The following ZFYVE28 variants were observed in gnomAD, a reference collection of about 807,000 sequenced individuals.
The protein encoded by ZFYVE28 is zinc finger FYVE-type containing 28.
ZFYVE28 carries 40 observed loss-of-function variants against 82.1 expected under a neutral mutation model. The observed-to-expected ratio is 0.49, with a 90% CI of 0.38 to 0.63. The LOEUF is 0.63. Ranked by LOEUF, ZFYVE28 falls within the 30% of genes least tolerant of loss-of-function variation. The pLI is 0.00. For missense variants in ZFYVE28, 1,321 were observed against 1,242.1 expected (o/e 1.06, Z -0.96); for synonymous variants, 612 against 546.1 (o/e 1.12, Z -1.68).
rs775046287 is a variant in ZFYVE28, at chr4:2,305,490, GT to G, written c.849del (p.Glu283AspfsTer176). The G allele has an allele frequency of 6.2e-7, 1 of 1,612,950 alleles. No individual in the cohort carries two copies. Among genetic ancestry groups the G allele is most frequent in the Non-Finnish European group, 8.5e-7 (1 of 1,180,032 alleles). On this transcript the variant is annotated frameshift_variant, in exon 8 of 13. Coordinates refer to ENST00000290974, the MANE Select transcript of ZFYVE28 (RefSeq NM_020972.3). LOFTEE classifies it high-confidence loss of function. Reference protein sequence around the residue: ...TLTEEELHTLERNLCISQDVE... With the variant: ...TLTEEELHTLXRNLCISQDVE... ...ACGTCTTGGGAAATGCAGAGGTTCC[GT>G]TCCAGCGTGTGCAGCTCCTCCTCCG...
chr4:2,307,033 T>C (rs1348234607), intron 7 of ZFYVE28: 1 of 152,332 alleles, frequency 6.6e-6, no homozygotes, highest in Non-Finnish European at 1.5e-5. Flanking sequence ...TGCCCACAGC[T>C]TGGCTGACAG....
Position 2,339,408 on chromosome 4 carries a change from C to T in ZFYVE28, c.521+45G>A. On this transcript the variant is annotated intron_variant, in intron 4 of 12. Coordinates refer to ENST00000290974, the MANE Select transcript of ZFYVE28 (RefSeq NM_020972.3). This position sits in a 1 kb window ranked among gnomAD's most constrained non-coding sequence, Gnocchi z 5.0. Reference sequence around the variant, plus strand: ...GAGCCCCGGAAGCTGGCACAACCGTCCCCCAGCTCATACAGCCAGGGCTGT... The same window carrying T: ...GAGCCCCGGAAGCTGGCACAACCGTTCCCCAGCTCATACAGCCAGGGCTGT... 1.9e-6 allele frequency: 3 copies of T among 1,585,244 alleles called. No homozygotes were observed. The highest frequency in any genetic ancestry group is 1.3e-5 in the African/African-American group (1 of 74,630).
At chr4:2,358,288 T>C (rs1437909876) in intron 1 of ZFYVE28, among the ~76,000 whole-genome samples, 3 of 152,194 alleles carry the variant, frequency 2.0e-5, no homozygotes, top group African/African-American at 7.2e-5. Flanking sequence ...CAGGCATGGA[T>C]GTGCATGCGT....
At chr4:2,401,754 G>A (rs991803386) in intron 1 of ZFYVE28, among the ~76,000 whole-genome samples, 1 of 152,194 alleles carries the variant, frequency 6.6e-6, no homozygotes, top group Non-Finnish European at 1.5e-5. Flanking sequence ...CCGGGGCTCA[G>A]GTGCAGAGCA....
At chr4:2,388,700 G>A (rs1378267172) in intron 1 of ZFYVE28, among the ~76,000 whole-genome samples, 2 of 152,136 alleles carry the variant, frequency 1.3e-5, no homozygotes, top group Non-Finnish European at 2.9e-5. Flanking sequence ...CTGCATTTAC[G>A]TGAAGGGCTC....
chr4:2,301,962 G>A (rs1715611633), intron 8 of ZFYVE28, among the ~76,000 whole-genome samples: 2 of 152,184 alleles, frequency 1.3e-5, no homozygotes, highest in Admixed American at 6.5e-5. Context: ...CTGGAAACAA[G>A]CCCAAGCCAG....
rs1291759910 is a variant in ZFYVE28 at position 2,335,379 on chromosome 4, T to C, written c.701+326A>G. Among the ~76,000 whole-genome samples, 1 of 152,176 alleles carries C rather than the reference T, an allele frequency of 6.6e-6. No individual in the cohort carries two copies. Among genetic ancestry groups the C allele is most frequent in the African/African-American group, 2.4e-5 (1 of 41,436 alleles). On this transcript the variant is annotated intron_variant, in intron 6 of 12. Coordinates refer to ENST00000290974, the MANE Select transcript of ZFYVE28 (RefSeq NM_020972.3). This position sits in a 1 kb window ranked among gnomAD's most constrained non-coding sequence, Gnocchi z 5.8. The stretch of plus-strand genomic sequence containing the variant: ...GCCACTCTGTTCCGAGCATGACCCC[T>C]GTGTGACCCTCATGGTCTCCTGTGA...
chr4:2,372,236 A>T lies in ZFYVE28; in HGVS notation c.40-18163T>A, dbSNP rs1456342091. 6.6e-6 allele frequency among the ~76,000 whole-genome samples: 1 copy of T among 152,092 alleles called. No homozygotes were observed. Among genetic ancestry groups the T allele is most frequent in the Non-Finnish European group, 1.5e-5 (1 of 68,012 alleles). On this transcript the variant is annotated intron_variant, in intron 1 of 12. Coordinates refer to ENST00000290974, the MANE Select transcript of ZFYVE28 (RefSeq NM_020972.3). This position sits in a 1 kb window ranked among gnomAD's most constrained non-coding sequence, Gnocchi z 5.2. The stretch of plus-strand genomic sequence containing the variant: ...AACCAGAGGTTTCCATCCTAGAAGG[A>T]TGGTGGCGGGGCTGAGTCTGGTTCC...
Position 2,319,800 on chromosome 4 carries a change from C to A in ZFYVE28, c.803+370G>T, listed in dbSNP as rs149563854. 4.4e-3 allele frequency among the ~76,000 whole-genome samples: 127 copies of A among 28,716 alleles called. 1 individual carries two copies. The highest frequency in any genetic ancestry group is 0.014 in the African/African-American group (122 of 8,420). 18.8% of individuals were successfully genotyped at this position (28,716 alleles called of 152,430 possible). ...CCAACAGAAGCAAGCGCTTTGGGGA[C>A]GGTGGGGACGGTGGGGATGGTGGGG... On this transcript the variant is annotated intron_variant, in intron 7 of 12. Coordinates refer to ENST00000290974, the MANE Select transcript of ZFYVE28 (RefSeq NM_020972.3).
In ZFYVE28 at chr4:2,335,813, A is replaced by G. The variant is rs1165860897; in HGVS notation, c.612-19T>C. Reference sequence around the variant, plus strand: ...CAGGGCCCTGTCCGGGGAGACGGACAGTGAGCAGCATGAGGGCTGGCCCAC... The same window carrying G: ...CAGGGCCCTGTCCGGGGAGACGGACGGTGAGCAGCATGAGGGCTGGCCCAC... On this transcript the variant is annotated intron_variant, in intron 5 of 12. Transcript: ENST00000290974. This position sits in a 1 kb window ranked among gnomAD's most constrained non-coding sequence, Gnocchi z 5.8. 1.9e-6 allele frequency: 3 copies of G among 1,550,714 alleles called. No individual in the cohort carries two copies. Among genetic ancestry groups the G allele is most frequent in the Admixed American group, 2.0e-5 (1 of 51,124 alleles).
intron 1 of ZFYVE28, among the ~76,000 whole-genome samples, chr4:2,403,471 T>G (rs1046522331): frequency 6.6e-6 from 1 of 152,216 alleles, no homozygotes; most frequent in Non-Finnish European, 1.5e-5. Context: ...AGCGCACTTC[T>G]GAAGACCTCC....
intron 6 of ZFYVE28, among the ~76,000 whole-genome samples, chr4:2,327,840 A>C (rs745655441): frequency 4.6e-5 from 7 of 152,268 alleles, no homozygotes; most frequent in Non-Finnish European, 1.0e-4. Flanking sequence ...AGAGAAAAGC[A>C]AACTAAAGCC....
rs549587391 is a variant in ZFYVE28 at position 2,271,757 on chromosome 4, C to T, written c.2346G>A (p.Ala782=). 14 of 1,613,708 alleles carry T rather than the reference C, an allele frequency of 8.7e-6. No individual in the cohort carries two copies. Among genetic ancestry groups the T allele is most frequent in the Middle Eastern group, 1.7e-4 (1 of 6,060 alleles). The stretch of plus-strand genomic sequence containing the variant: ...GGCACAGTGCACAGTCCTCCAAGGC[C>T]GCACTCCGCAGAGTCTGGGTGACTA... ...LRKVTQTLRS[A]ALEDCALCQE... The change falls in exon 11 of 13, where the codon GCG becomes GCA. Residue 782 remains alanine (A), a synonymous_variant. Transcript: ENST00000290974.
intron 7 of ZFYVE28, among the ~76,000 whole-genome samples, chr4:2,313,455 G>C (rs983412223): frequency 2.6e-5 from 4 of 151,916 alleles, no homozygotes; most frequent in African/African-American, 9.7e-5. Flanking sequence ...ACAGTGTTTC[G>C]TCATGTTGCC....
intron 8 of ZFYVE28, among the ~76,000 whole-genome samples, chr4:2,292,617 G>C (rs1015716049): frequency 3.3e-5 from 5 of 152,202 alleles, no homozygotes; most frequent in African/African-American, 7.2e-5. Flanking sequence ...CACGGAATAA[G>C]ATGATAATTC....
intron 8 of ZFYVE28, among the ~76,000 whole-genome samples, chr4:2,303,056 G>A (rs1715837531): frequency 6.6e-6 from 1 of 152,212 alleles, no homozygotes. Context: ...ACCCATCGAT[G>A]GAAAGTGACT....
In ZFYVE28 at chr4:2,418,254, G is replaced by A. The variant is rs1029222388; in HGVS notation, c.39+31C>T. The A allele has an allele frequency of 2.6e-6, 4 of 1,533,828 alleles. No homozygotes were observed. The South Asian group carries it at 3.6e-5, about 14-fold the overall frequency. On this transcript the variant is annotated intron_variant, in intron 1 of 12. Coordinates refer to ENST00000290974, the MANE Select transcript of ZFYVE28 (RefSeq NM_020972.3). This position sits in a 1 kb window ranked among gnomAD's most constrained non-coding sequence, Gnocchi z 4.6. ...TGGGGAAGGGAGAGGCCGCGACGCG[G>A]GGGGCGTCCGGCCCGAGCGGGGCCG...
chr4:2,279,641 C>T (rs1577875410), intron 8 of ZFYVE28, among the ~76,000 whole-genome samples: 1 of 151,678 alleles, frequency 6.6e-6, no homozygotes, highest in South Asian at 2.1e-4. Context: ...ATTAGCCAGG[C>T]ATGGTGGCGG....
In ZFYVE28 at chr4:2,320,297, ATGT is replaced by A; in HGVS notation, c.702-29_702-27del. ...CTGCATTTGAGACACAAAAGCCAGG[ATGT>A]CAGGCCCTGTGGCCCCCTGGGTGCC... On this transcript the variant is annotated intron_variant, in intron 6 of 12. Transcript: ENST00000290974. This position sits in a 1 kb window ranked among gnomAD's most constrained non-coding sequence, Gnocchi z 5.1. The A allele has an allele frequency of 6.2e-7, 1 of 1,606,692 alleles. No individual in the cohort carries two copies.
Sources: allele counts gnomAD v4.1 joint callset (sites outside exome capture counted in the v4.1 genomes callset), GRCh38; gene constraint gnomAD v4.1.1; non-coding constraint Gnocchi (gnomAD v3.1); transcripts MANE v1.5; gene names NCBI Gene and HGNC (gene_info 2026-07-23, HGNC 2026-07-21).